The following GABBR2 variants were observed in gnomAD, a reference collection of about 807,000 sequenced individuals.
The protein encoded by GABBR2 is G-protein coupled receptor 51.
In GABBR2, 23 loss-of-function variants were observed where a neutral mutation model predicts 105.6. The ratio of observed to expected loss-of-function variants is 0.22; its 90% CI spans 0.16 to 0.31. The LOEUF (loss-of-function observed/expected upper bound fraction) is 0.31. GABBR2 is among the 10% of genes least tolerant of loss of function. The pLI is 1.00. For missense variants in GABBR2, 734 were observed against 1,245.5 expected, an observed-to-expected ratio of 0.59 and a Z score of 6.18; for synonymous variants, 478 against 499.7, an observed-to-expected ratio of 0.96 and a Z score of 0.58.
chr9:98,528,441 G>A (rs768366972), intron 3 of GABBR2, among the ~76,000 whole-genome samples: 4 of 151,856 alleles, frequency 2.6e-5, no homozygotes, highest in Non-Finnish European at 4.4e-5. Flanking sequence ...ATAATGGAAA[G>A]GTGAAAAAAA....
chr9:98,530,834 C>T (rs1828054316), intron 3 of GABBR2, among the ~76,000 whole-genome samples: 2 of 152,080 alleles, frequency 1.3e-5, no homozygotes, highest in African/African-American at 4.8e-5. Flanking sequence ...ACATAACTAC[C>T]TGGCACACAG....
intron 15 of GABBR2, chr9:98,304,128 G>A (rs562824774): frequency 6.6e-6 from 1 of 152,406 alleles, no homozygotes. Context: ...CCAGAGGCGT[G>A]GGATGGGGAT....
At chr9:98,523,692 T>C (rs1213835685) in intron 3 of GABBR2, among the ~76,000 whole-genome samples, 1 of 152,098 alleles carries the variant, frequency 6.6e-6, no homozygotes, top group East Asian at 1.9e-4. Flanking sequence ...GGGACCAGTG[T>C]CCACAGCACA....
intron 11 of GABBR2, among the ~76,000 whole-genome samples, chr9:98,379,734 C>T (rs1255582826): frequency 6.6e-6 from 1 of 152,196 alleles, no homozygotes; most frequent in African/African-American, 2.4e-5. Flanking sequence ...AGATGCTTTA[C>T]ATACATGATC....
At chr9:98,482,329 AAAG>A (rs1826941900) in intron 4 of GABBR2, among the ~76,000 whole-genome samples, 1 of 152,218 alleles carries the variant, frequency 6.6e-6, no homozygotes, top group African/African-American at 2.4e-5. Context: ...GCAAGAATGG[AAAG>A]AAGAGGGGAA....
chr9:98,618,182 A>G (rs1041443552), intron 1 of GABBR2, among the ~76,000 whole-genome samples: 2 of 152,174 alleles, frequency 1.3e-5, no homozygotes, highest in Admixed American at 1.3e-4. Flanking sequence ...CTCTGGTCTC[A>G]GACTTCATGA....
chr9:98,523,905 T>C (rs1046046591), intron 3 of GABBR2, among the ~76,000 whole-genome samples: 1 of 152,112 alleles, frequency 6.6e-6, no homozygotes, highest in Non-Finnish European at 1.5e-5. Flanking sequence ...ACCATTTCTT[T>C]CCCACAGAAT....
intron 6 of GABBR2, among the ~76,000 whole-genome samples, chr9:98,456,932 TG>T (rs1484406171): frequency 2.0e-5 from 3 of 152,230 alleles, no homozygotes; most frequent in Non-Finnish European, 2.9e-5. Context: ...TATACCATCT[TG>T]CTATGGTGAT....
At chr9:98,618,747 C>A (rs189316541) in intron 1 of GABBR2, among the ~76,000 whole-genome samples, 1 of 152,278 alleles carries the variant, frequency 6.6e-6, no homozygotes, top group East Asian at 1.9e-4. Context: ...GGGGAACCAG[C>A]CTTTGCTAAG....
chr9:98,546,084 A>T (rs1828395380), intron 2 of GABBR2, among the ~76,000 whole-genome samples: 1 of 152,090 alleles, frequency 6.6e-6, no homozygotes, highest in Non-Finnish European at 1.5e-5. Context: ...TTATTTTGAG[A>T]ATTTGGCAAG....
In GABBR2 at chr9:98,643,888, C is replaced by A. The variant is rs1202451507; in HGVS notation, c.321+64529G>T. Among the ~76,000 whole-genome samples, 4 of 152,328 alleles carry A rather than the reference C, an allele frequency of 2.6e-5. No individual in the cohort carries two copies. The East Asian group carries it at 7.7e-4, about 29-fold the overall frequency. On this transcript the variant is annotated intron_variant, in intron 1 of 18. Transcript: ENST00000259455. ...AAGCTTCAAGAGAACAGAGCCAACA[C>A]CCAGGAAGGGAAGGGACAAGGGAGC...
intron 8 of GABBR2, among the ~76,000 whole-genome samples, chr9:98,395,591 G>T (rs539057856): frequency 6.2e-4 from 95 of 152,250 alleles, no homozygotes; most frequent in Middle Eastern, 6.8e-3. Flanking sequence ...TGACCAGGAT[G>T]CAGGAGCAGG....
intron 4 of GABBR2, among the ~76,000 whole-genome samples, chr9:98,484,977 C>T (rs1466856798): frequency 6.6e-6 from 1 of 152,164 alleles, no homozygotes; most frequent in Non-Finnish European, 1.5e-5. Context: ...GGGCTTGGGG[C>T]AGTTTAGGCA....
At chr9:98,639,491 A>G (rs1425360885) in intron 1 of GABBR2, among the ~76,000 whole-genome samples, 2 of 152,076 alleles carry the variant, frequency 1.3e-5, no homozygotes, top group Admixed American at 6.5e-5. Context: ...GAGGAAAAAC[A>G]GCACACCTTG....
chr9:98,308,587 C>T (rs1226019897), intron 14 of GABBR2, among the ~76,000 whole-genome samples: 1 of 152,118 alleles, frequency 6.6e-6, no homozygotes, highest in African/African-American at 2.4e-5. Context: ...TGATAAGTGT[C>T]CTTATAAAGG....
chr9:98,434,756 G>T (rs764040154), intron 7 of GABBR2, among the ~76,000 whole-genome samples: 26 of 152,284 alleles, frequency 1.7e-4, no homozygotes, highest in Middle Eastern at 3.4e-3. Flanking sequence ...CAAAGATCTG[G>T]CAATAAGATG....
chr9:98,323,799 T>C (rs1588101941), intron 13 of GABBR2, among the ~76,000 whole-genome samples: 1 of 152,180 alleles, frequency 6.6e-6, no homozygotes, highest in African/African-American at 2.4e-5. Flanking sequence ...TGGTTGGCTG[T>C]TCATGGTGAC....
chr9:98,397,788 C>T (rs1832320481), intron 8 of GABBR2, among the ~76,000 whole-genome samples: 1 of 152,166 alleles, frequency 6.6e-6, no homozygotes, highest in Non-Finnish European at 1.5e-5. Context: ...ACTCAGGGCT[C>T]TGTGCATGAC....
At chr9:98,294,057 C>T (rs892336443) in intron 17 of GABBR2, among the ~76,000 whole-genome samples, 155 bp from the exon 18 acceptor site, 2 of 152,192 alleles carry the variant, frequency 1.3e-5, no homozygotes, top group Non-Finnish European at 2.9e-5. Flanking sequence ...TGTAGTGGCT[C>T]TCCCGGGACC....
Sources: gnomAD v4.1 joint callset for allele counts (sites outside exome capture counted in the v4.1 genomes callset) on GRCh38, gnomAD v4.1.1 for gene constraint, MANE v1.5 for transcripts, NCBI Gene and HGNC (gene_info 2026-07-23, HGNC 2026-07-21) for gene names.